The following DCC variants were observed in gnomAD, a reference collection of about 807,000 sequenced individuals.
The protein encoded by DCC is DCC netrin 1 receptor.
In DCC, 58 loss-of-function variants were observed where a neutral mutation model predicts 172.5. That is an observed-to-expected ratio of 0.34 (90% CI 0.27 to 0.42). The LOEUF (loss-of-function observed/expected upper bound fraction) is 0.42. DCC is among the 10% of genes least tolerant of loss of function. DCC has a pLI of 1.00. For synonymous variants in DCC, 709 were observed against 644.5 expected, an observed-to-expected ratio of 1.10 and a Z score of -1.52; for missense variants, 1,740 against 1,791.0, an observed-to-expected ratio of 0.97 and a Z score of 0.51.
chr18:52,458,335 C>T (rs140103898), intron 1 of DCC, among the ~76,000 whole-genome samples: 243 of 152,240 alleles, frequency 1.6e-3, no homozygotes, highest in African/African-American at 5.7e-3. Flanking sequence ...ATGTCTTTCA[C>T]ATACATTATT....
intron 8 of DCC, among the ~76,000 whole-genome samples, chr18:53,159,231 A>G (rs933847406): frequency 8.5e-5 from 13 of 152,080 alleles, no homozygotes; most frequent in African/African-American, 2.9e-4. Flanking sequence ...CTTAAATTCA[A>G]CCTGCCCAAA....
At chr18:53,127,310 G>A (rs1416920715) in intron 7 of DCC, among the ~76,000 whole-genome samples, 1 of 151,588 alleles carries the variant, frequency 6.6e-6, no homozygotes, top group African/African-American at 2.4e-5. Context: ...CCCTGCTTAG[G>A]TTTTAATTCT....
At chr18:52,597,423 A>G (rs2033930863) in intron 1 of DCC, among the ~76,000 whole-genome samples, 1 of 152,180 alleles carries the variant, frequency 6.6e-6, no homozygotes, top group Admixed American at 6.6e-5. Flanking sequence ...CTGACATTTC[A>G]CTGTCAACTG....
At chr18:53,174,685 T>G (rs1166784522) in intron 8 of DCC, among the ~76,000 whole-genome samples, 1 of 147,868 alleles carries the variant, frequency 6.8e-6, no homozygotes, top group Non-Finnish European at 1.5e-5. Context: ...CAATAATCAA[T>G]AGCTTACCAA....
intron 5 of DCC, among the ~76,000 whole-genome samples, chr18:52,975,939 C>G (rs1337961916): frequency 6.6e-6 from 1 of 152,130 alleles, no homozygotes; most frequent in African/African-American, 2.4e-5. Context: ...ACCACGCTGT[C>G]CTTCACAATG....
chr18:53,097,159 C>A (rs986784093), intron 7 of DCC, among the ~76,000 whole-genome samples: 1 of 152,196 alleles, frequency 6.6e-6, no homozygotes, highest in Admixed American at 6.5e-5. Flanking sequence ...TTCTATCCAA[C>A]TGATTAATGA....
intron 15 of DCC, among the ~76,000 whole-genome samples, chr18:53,358,875 A>G (rs1458929843): frequency 1.3e-5 from 2 of 152,194 alleles, no homozygotes; most frequent in African/African-American, 4.8e-5. Flanking sequence ...TAATAAATAT[A>G]AGATTATTTC....
At chr18:53,492,445 T>C (rs952558254) in intron 26 of DCC, among the ~76,000 whole-genome samples, 8 of 152,108 alleles carry the variant, frequency 5.3e-5, no homozygotes, top group Non-Finnish European at 4.4e-5. Flanking sequence ...TTAGGTCTTA[T>C]GTTTAAGTCT....
chr18:53,203,511 C>T (rs1485507725), intron 9 of DCC, among the ~76,000 whole-genome samples: 4 of 152,230 alleles, frequency 2.6e-5, no homozygotes, highest in Non-Finnish European at 4.4e-5. Context: ...GACATTAATA[C>T]ATGTTCTGCC....
At chr18:53,463,368 G>A (rs886146666) in intron 24 of DCC, among the ~76,000 whole-genome samples, 7 of 151,972 alleles carry the variant, frequency 4.6e-5, no homozygotes, top group Non-Finnish European at 8.8e-5. Flanking sequence ...TGAGGACCTC[G>A]TTGCCAATTT....
chr18:52,398,982 A>G (rs1986337767), intron 1 of DCC, among the ~76,000 whole-genome samples: 1 of 151,982 alleles, frequency 6.6e-6, no homozygotes, highest in Admixed American at 6.6e-5. Flanking sequence ...AAATAAACAA[A>G]TAAATAAATT....
chr18:52,701,510 A>G (rs754089230), intron 1 of DCC, among the ~76,000 whole-genome samples: 8 of 152,202 alleles, frequency 5.3e-5, no homozygotes, highest in Admixed American at 6.5e-5. Flanking sequence ...AATAACAAAC[A>G]TATTTTTCCT....
chr18:52,565,143 A>C (rs1185220007), intron 1 of DCC, among the ~76,000 whole-genome samples: 1 of 152,068 alleles, frequency 6.6e-6, no homozygotes, highest in East Asian at 1.9e-4. Flanking sequence ...ACTTTTAAAC[A>C]TTTATATTTT....
intron 1 of DCC, among the ~76,000 whole-genome samples, chr18:52,544,277 C>T (rs1024886715): frequency 8.5e-5 from 13 of 152,134 alleles, no homozygotes; most frequent in African/African-American, 2.7e-4. Context: ...TGGCTCTTCC[C>T]GACATTTTCA....
intron 1 of DCC, among the ~76,000 whole-genome samples, chr18:52,582,631 C>G (rs1424035901): frequency 6.6e-6 from 1 of 152,108 alleles, no homozygotes; most frequent in Non-Finnish European, 1.5e-5. Flanking sequence ...TTCTTATTCT[C>G]CATCACTTTG....
intron 2 of DCC, among the ~76,000 whole-genome samples, chr18:52,762,005 A>T (rs2037169838): frequency 6.6e-6 from 1 of 152,046 alleles, no homozygotes; most frequent in Non-Finnish European, 1.5e-5. Context: ...AATTTATCAC[A>T]GGTTCTTAAC....
intron 2 of DCC, among the ~76,000 whole-genome samples, chr18:52,901,331 A>T (rs1235933037): frequency 6.6e-6 from 1 of 151,914 alleles, no homozygotes; most frequent in Non-Finnish European, 1.5e-5. Context: ...TACATGGGAG[A>T]CTGAGGTAGG....
intron 5 of DCC, 54 bp downstream of exon 5, chr18:52,925,424 G>T (rs529143664): frequency 1.1e-5 from 17 of 1,560,370 alleles, no homozygotes; most frequent in Non-Finnish European, 1.5e-5. Context: ...GTATATCACC[G>T]CGACATTTTA....
At chr18:52,637,075 A>C (rs1367153298) in intron 1 of DCC, among the ~76,000 whole-genome samples, 1 of 152,180 alleles carries the variant, frequency 6.6e-6, no homozygotes, top group Non-Finnish European at 1.5e-5. Context: ...GAGAGCAATC[A>C]CTACATTTTG....
Sources: allele counts gnomAD v4.1 joint callset (sites outside exome capture counted in the v4.1 genomes callset), GRCh38; gene constraint gnomAD v4.1.1; transcripts MANE v1.5; gene names NCBI Gene and HGNC (gene_info 2026-07-23, HGNC 2026-07-21).